ARB2A: variants seen among roughly 807,000 people sequenced by gnomAD.
The protein encoded by ARB2A is cotranscriptional regulator ARB2A.
chr5:93,743,284 A>G, the ARB2A span: 3 of 152,400 alleles, frequency 2.0e-5, no homozygotes, highest in Non-Finnish European at 4.4e-5. Context: ...GCCGGCTATG[A>G]GCAGGGTCAC....
At chr5:94,042,621 T>A in the ARB2A span, among the ~76,000 whole-genome samples, 2 of 152,170 alleles carry the variant, frequency 1.3e-5, no homozygotes, top group African/African-American at 4.8e-5. Flanking sequence ...GATCTGCTTT[T>A]AACAAAAATT....
At chr5:93,644,291 C>A in the ARB2A span, among the ~76,000 whole-genome samples, 1 of 152,142 alleles carries the variant, frequency 6.6e-6, no homozygotes, top group Non-Finnish European at 1.5e-5. Context: ...AGATCTATTG[C>A]ATTTACTGCT....
At chr5:93,680,495 A>G in the ARB2A span, among the ~76,000 whole-genome samples, 1 of 152,090 alleles carries the variant, frequency 6.6e-6, no homozygotes, top group African/African-American at 2.4e-5. Flanking sequence ...TCACTCTCAT[A>G]GCTAAAATTT....
At chr5:93,988,579 T>G in the ARB2A span, among the ~76,000 whole-genome samples, 1 of 152,186 alleles carries the variant, frequency 6.6e-6, no homozygotes, top group Non-Finnish European at 1.5e-5. Context: ...TAATTAATAA[T>G]GCCTTTTCCA....
the ARB2A span, among the ~76,000 whole-genome samples, chr5:93,654,421 C>G: frequency 6.6e-6 from 1 of 152,160 alleles, no homozygotes; most frequent in Non-Finnish European, 1.5e-5. Flanking sequence ...CCTGACATGT[C>G]TTCCCTTATT....
At chr5:94,005,025 A>AAAG in the ARB2A span, among the ~76,000 whole-genome samples, 1 of 110,088 alleles carries the variant, frequency 9.1e-6, no homozygotes, top group Non-Finnish European at 1.8e-5. Flanking sequence ...AAAAAAAAAA[A>AAAG]AGAGAGAGGA....
At chr5:93,974,664 A>G in the ARB2A span, among the ~76,000 whole-genome samples, 1 of 152,218 alleles carries the variant, frequency 6.6e-6, no homozygotes, top group Non-Finnish European at 1.5e-5. Flanking sequence ...TCATCTGCAC[A>G]CAGAACATAT....
At chr5:93,741,639 CAAGCCCCGCCCCCCAG>C in the ARB2A span, 1 of 1,426,858 alleles carries the variant, frequency 7.0e-7, no homozygotes, top group Non-Finnish European at 9.2e-7. Context: ...CCGGCCCCCT[CAAGCCCCGCCCCCCAG>C]TGGGCGGAGA....
the ARB2A span, among the ~76,000 whole-genome samples, chr5:93,692,602 G>T: frequency 6.6e-6 from 1 of 152,174 alleles, no homozygotes; most frequent in Non-Finnish European, 1.5e-5. Flanking sequence ...AATACTGGGA[G>T]ACTTTAACAC....
chr5:93,654,735 CTG>C, the ARB2A span, among the ~76,000 whole-genome samples: 1 of 152,178 alleles, frequency 6.6e-6, no homozygotes, highest in Non-Finnish European at 1.5e-5. Flanking sequence ...CATTACTTTG[CTG>C]TGTAGAAACT....
chr5:93,920,780 T>C, the ARB2A span, among the ~76,000 whole-genome samples: 1 of 152,172 alleles, frequency 6.6e-6, no homozygotes, highest in Admixed American at 6.5e-5. Context: ...CAGTTCATAC[T>C]GCAGTGCTGT....
the ARB2A span, among the ~76,000 whole-genome samples, chr5:93,989,575 C>T: frequency 6.6e-6 from 1 of 152,080 alleles, no homozygotes; most frequent in Admixed American, 6.6e-5. Flanking sequence ...ATCCTTTCCA[C>T]AATATTCTTT....
At chr5:93,796,906 A>T in the ARB2A span, among the ~76,000 whole-genome samples, 1 of 152,172 alleles carries the variant, frequency 6.6e-6, no homozygotes, top group African/African-American at 2.4e-5. Context: ...AACCATATAA[A>T]CATTGGGTGG....
At chr5:93,918,983 C>T in the ARB2A span, among the ~76,000 whole-genome samples, 1 of 152,126 alleles carries the variant, frequency 6.6e-6, no homozygotes, top group African/African-American at 2.4e-5. Context: ...TTCCCAAACT[C>T]TGATGTACAT....
chr5:93,722,690 A>T, the ARB2A span, among the ~76,000 whole-genome samples: 2 of 152,166 alleles, frequency 1.3e-5, no homozygotes, highest in Non-Finnish European at 2.9e-5. Context: ...CCAAAGCCAG[A>T]TACTAGAAGA....
chr5:93,995,816 C>G, the ARB2A span, among the ~76,000 whole-genome samples: 2 of 152,128 alleles, frequency 1.3e-5, no homozygotes, highest in Non-Finnish European at 2.9e-5. Flanking sequence ...GTTCTTACCA[C>G]AATAATATAC....
the ARB2A span, among the ~76,000 whole-genome samples, chr5:93,710,090 C>G: frequency 6.6e-6 from 1 of 152,104 alleles, no homozygotes; most frequent in Non-Finnish European, 1.5e-5. Flanking sequence ...TACAGTAACA[C>G]AGTAAAGACA....
the ARB2A span, among the ~76,000 whole-genome samples, chr5:93,631,751 C>G: frequency 7.1e-6 from 1 of 141,812 alleles, no homozygotes; most frequent in Non-Finnish European, 1.5e-5. Flanking sequence ...AGCTGGGTAC[C>G]TATGGCTGCC....
chr5:94,061,304 C>T, the ARB2A span, among the ~76,000 whole-genome samples: 2 of 152,096 alleles, frequency 1.3e-5, no homozygotes, highest in Admixed American at 1.3e-4. Context: ...AATAAAAGGG[C>T]CTTCTTCAAC....
Sources: allele counts gnomAD v4.1 joint callset (sites outside exome capture counted in the v4.1 genomes callset), GRCh38; gene constraint gnomAD v4.1.1; transcripts MANE v1.5; gene names NCBI Gene and HGNC (gene_info 2026-07-23, HGNC 2026-07-21).